The following ATP13A3 variants were observed in gnomAD, a reference collection of about 807,000 sequenced individuals.
ATP13A3 encodes polyamine-transporting ATPase 13A3.
ATP13A3 carries 59 observed loss-of-function variants against 158.1 expected under a neutral mutation model. That is an observed-to-expected ratio of 0.37 (90% CI 0.30 to 0.46). ATP13A3 has a LOEUF of 0.46. Ranked by LOEUF, ATP13A3 falls within the 20% of genes least tolerant of loss-of-function variation. ATP13A3 has a pLI of 1.00. For synonymous variants in ATP13A3, 491 were observed against 504.3 expected, an observed-to-expected ratio of 0.97 and a Z score of 0.35; for missense variants, 1,166 against 1,525.2, an observed-to-expected ratio of 0.76 and a Z score of 3.92.
intron 2 of ATP13A3, among the ~76,000 whole-genome samples, chr3:194,476,377 C>G (rs1260417811): frequency 6.6e-6 from 1 of 152,218 alleles, no homozygotes; most frequent in Non-Finnish European, 1.5e-5. Context: ...TGTTTGCAGA[C>G]AGCTAACACT....
At chr3:194,483,614 G>A (rs1019990990) in intron 2 of ATP13A3, among the ~76,000 whole-genome samples, 4 of 151,996 alleles carry the variant, frequency 2.6e-5, no homozygotes, top group East Asian at 1.9e-4. Context: ...TGGTTTTGAC[G>A]ACTACAGATT....
rs1718536900 is a variant in ATP13A3, at chr3:194,448,163, C to T, written c.1151-154G>A. 6.6e-6 allele frequency among the ~76,000 whole-genome samples: 1 copy of T among 151,836 alleles called. No individual in the cohort carries two copies. Among genetic ancestry groups the T allele is most frequent in the African/African-American group, 2.4e-5 (1 of 41,302 alleles). ...TGTGATCTCGACTCACTGCAAGCTCCGCCTCCTGGGTTCACGCCATTCTCC... is the reference window on the plus strand; with the variant it reads ...TGTGATCTCGACTCACTGCAAGCTCTGCCTCCTGGGTTCACGCCATTCTCC... On this transcript the variant is annotated intron_variant, in intron 12 of 33. Coordinates refer to ENST00000645319, the MANE Select transcript of ATP13A3 (RefSeq NM_001367549.1). This position sits in a 1 kb window ranked among gnomAD's most constrained non-coding sequence, Gnocchi z 4.0.
In ATP13A3 at chr3:194,404,813, A is replaced by G. The variant is rs1208691231; in HGVS notation, c.*1106T>C. 6.6e-6 allele frequency: 1 copy of G among 152,148 alleles called. No individual in the cohort carries two copies. The highest frequency in any genetic ancestry group is 1.5e-5 in the Non-Finnish European group (1 of 68,026). The allele number at this position is 152,148 out of a possible 1,614,324, so 9.4% of individuals were successfully genotyped here. On this transcript the variant is annotated 3_prime_UTR_variant, in exon 34 of 34. Coordinates refer to ENST00000645319, the MANE Select transcript of ATP13A3 (RefSeq NM_001367549.1). ...TTTGTAACGATCCAATTCAAAATAG[A>G]CATGTTCTGACCTCTGGCGCCACCT...
chr3:194,490,094 T>C (rs1721128079), upstream of ATP13A3, among the ~76,000 whole-genome samples: 1 of 152,192 alleles, frequency 6.6e-6, no homozygotes, highest in African/African-American at 2.4e-5. The surrounding 1 kb of genome is among the most constrained non-coding windows in gnomAD (Gnocchi z 4.4). Flanking sequence ...ATTTTGCATC[T>C]TCTTCATCCT....
At chr3:194,436,189 A>G (rs1410681424) in intron 20 of ATP13A3, among the ~76,000 whole-genome samples, 3 of 152,160 alleles carry the variant, frequency 2.0e-5, no homozygotes, top group African/African-American at 4.8e-5. Context: ...AATTAGCAGG[A>G]CAGCCAAGTG....
chr3:194,466,144 T>C (rs1182730169), intron 2 of ATP13A3, among the ~76,000 whole-genome samples: 2 of 151,982 alleles, frequency 1.3e-5, no homozygotes, highest in Non-Finnish European at 2.9e-5. Context: ...TTCCAGTATC[T>C]GAGAGAAGAA....
intron 2 of ATP13A3, among the ~76,000 whole-genome samples, chr3:194,483,947 T>C (rs1720861608): frequency 6.6e-6 from 1 of 152,114 alleles, no homozygotes; most frequent in Admixed American, 6.6e-5. Context: ...CTGAGCTATA[T>C]TTGAATGGAT....
In ATP13A3 at chr3:194,455,454, G is replaced by T. The variant is rs151101004; in HGVS notation, c.630+439C>A. ...GGAGCAACAGAGAGAATGTACTAAA[G>T]ATCAGAGCTAGTTACTGATGGAACT... On this transcript the variant is annotated intron_variant, in intron 8 of 33. Coordinates refer to ENST00000645319, the MANE Select transcript of ATP13A3 (RefSeq NM_001367549.1). Among the ~76,000 whole-genome samples the T allele has an allele frequency of 2.9e-3, 443 of 152,282 alleles. 1 individual carries two copies. The highest frequency in any genetic ancestry group is 0.01 in the African/African-American group (425 of 41,562).
chr3:194,440,374 G>A (rs1162113406), intron 16 of ATP13A3, among the ~76,000 whole-genome samples: 1 of 152,186 alleles, frequency 6.6e-6, no homozygotes, highest in Non-Finnish European at 1.5e-5. Flanking sequence ...GGATTCCAGA[G>A]TACAGAGCTC....
chr3:194,417,444 C>CACAA (rs1489240737), intron 31 of ATP13A3, among the ~76,000 whole-genome samples: 4 of 145,046 alleles, frequency 2.8e-5, no homozygotes, highest in Admixed American at 2.7e-4. Context: ...CACACACACA[C>CACAA]AAAAGGAGGA....
At position 194,462,148 on chromosome 3, in the gene ATP13A3, C is replaced by T; in HGVS notation, c.43G>A (p.Asp15Asn). The T allele has an allele frequency of 6.2e-7, 1 of 1,613,950 alleles. No individual in the cohort carries two copies. The highest frequency in any genetic ancestry group is 1.1e-5 in the South Asian group (1 of 91,064). The change falls in exon 3 of 34, where the codon GAT becomes AAT. Residue 15 changes from aspartate (D) to asparagine (N), a missense_variant. This residue lies in a region of ATP13A3 where 65 missense variants were observed against 92.4 expected (regional missense o/e 0.70). Coordinates refer to ENST00000645319, the MANE Select transcript of ATP13A3 (RefSeq NM_001367549.1). ...TTAGAACAGCTGGTTACCATTTCAT[C>T]TTCTTGACCCTGATTGATGGTCTTC... ...ERKTINQGQE[D>N]EMEIYGYNLS...
intron 28 of ATP13A3, among the ~76,000 whole-genome samples, chr3:194,427,729 A>G (rs1347571209): frequency 6.6e-6 from 1 of 151,734 alleles, no homozygotes; most frequent in Non-Finnish European, 1.5e-5. Flanking sequence ...CACAATAACT[A>G]TAAAGTTAAT....
In ATP13A3 at chr3:194,403,560, T is replaced by C. The variant is rs777745229; in HGVS notation, c.*2359A>G. 1.1e-4 allele frequency: 16 copies of C among 152,268 alleles called. No individual in the cohort carries two copies. The highest frequency in any genetic ancestry group is 3.9e-4 in the African/African-American group (16 of 41,470). The allele number at this position is 152,268 out of a possible 1,614,324, so 9.4% of individuals were successfully genotyped here. A position where few individuals can be genotyped will look rare whatever the true frequency, so the allele number is the denominator to read the frequency against. ...CATTTCTGTCCTTTAAGTATGTGCA[T>C]AAATAAAATTTAAATCAGCAATATT... On this transcript the variant is annotated 3_prime_UTR_variant, in exon 34 of 34. Coordinates refer to ENST00000645319, the MANE Select transcript of ATP13A3 (RefSeq NM_001367549.1).
rs78375599 is a variant in ATP13A3 at position 194,439,504 on chromosome 3, T to C, written c.1711-532A>G. Among the ~76,000 whole-genome samples, 192 of 152,314 alleles carry C rather than the reference T, an allele frequency of 1.3e-3. 1 individual carries two copies. The highest frequency in any genetic ancestry group is 2.0e-3 in the Admixed American group (30 of 15,304). On this transcript the variant is annotated intron_variant, in intron 16 of 33. Coordinates refer to ENST00000645319, the MANE Select transcript of ATP13A3 (RefSeq NM_001367549.1). ...TAATACTTTAAAGAACCTTTTTTGG[T>C]GAAAAACATTCGAAGAAAAACGTAT...
chr3:194,436,272 T>C (rs928609163), intron 20 of ATP13A3, among the ~76,000 whole-genome samples: 3 of 152,154 alleles, frequency 2.0e-5, no homozygotes, highest in African/African-American at 7.2e-5. Context: ...TCCTCCAAGG[T>C]AGGTCTGTAT....
rs1308562111 is a variant in ATP13A3, at chr3:194,486,830, G to T, written c.-353C>A. 2.0e-5 allele frequency: 3 copies of T among 151,482 alleles called. No homozygotes were observed. The highest frequency in any genetic ancestry group is 4.4e-5 in the Non-Finnish European group (3 of 67,858). The allele number at this position is 151,482 out of a possible 1,614,324, so 9.4% of individuals were successfully genotyped here. On this transcript the variant is annotated 5_prime_UTR_variant, in exon 1 of 34. Transcript: ENST00000645319. The stretch of plus-strand genomic sequence containing the variant: ...GGCGGCGGCGTGCAGCCGGCAGGGC[G>T]AGAACAAGGGAGGGCGGCGGGAGGT...
At chr3:194,418,416 A>G (rs929442039) in intron 31 of ATP13A3, among the ~76,000 whole-genome samples, 2 of 152,170 alleles carry the variant, frequency 1.3e-5, no homozygotes, top group African/African-American at 4.8e-5. Flanking sequence ...ACAGTCAAAT[A>G]TAATACATTA....
At chr3:194,441,590 G>A in intron 15 of ATP13A3, 129 bp from the exon 16 acceptor site, 1 of 807,996 alleles carries the variant, frequency 1.2e-6, no homozygotes, top group Non-Finnish European at 1.9e-6. Flanking sequence ...CTAAGAAAGA[G>A]AAACTGTCAA....
chr3:194,462,506 G>A (rs188215685), intron 2 of ATP13A3, among the ~76,000 whole-genome samples: 3 of 152,230 alleles, frequency 2.0e-5, no homozygotes, highest in East Asian at 3.9e-4. Flanking sequence ...TCTAGGGTGC[G>A]TGCTCCTTAT....
Sources: gnomAD v4.1 joint callset for allele counts (sites outside exome capture counted in the v4.1 genomes callset) on GRCh38, gnomAD v4.1.1 for gene constraint, gnomAD v4.1.1 regional missense constraint, Gnocchi (gnomAD v3.1) non-coding constraint, MANE v1.5 for transcripts, NCBI Gene and HGNC (gene_info 2026-07-23, HGNC 2026-07-21) for gene names.